AHCYL2: variants seen among roughly 807,000 people sequenced by gnomAD.
The protein encoded by AHCYL2 is adenosylhomocysteinase like 2.
AHCYL2 carries 28 observed loss-of-function variants against 81.4 expected under a neutral mutation model. The ratio of observed to expected loss-of-function variants is 0.34; its 90% CI spans 0.25 to 0.47. The LOEUF (loss-of-function observed/expected upper bound fraction) is 0.47, where lower values mean the gene tolerates loss of function less well. Ranked by LOEUF, AHCYL2 falls within the 20% of genes least tolerant of loss-of-function variation. The pLI is 1.00. For missense variants in AHCYL2, 551 were observed against 785.1 expected (o/e 0.70, Z 3.56); for synonymous variants, 272 against 290.2 (o/e 0.94, Z 0.64).
At chr7:129,323,203 A>T (rs1261206041) in intron 1 of AHCYL2, among the ~76,000 whole-genome samples, 4 of 152,120 alleles carry the variant, frequency 2.6e-5, no homozygotes, top group Non-Finnish European at 4.4e-5. Flanking sequence ...CTTCTTTTCT[A>T]ATAGAGGTAT....
At chr7:129,304,856 T>C (rs1215034250) in intron 1 of AHCYL2, among the ~76,000 whole-genome samples, 2 of 152,136 alleles carry the variant, frequency 1.3e-5, no homozygotes, top group East Asian at 1.9e-4. Flanking sequence ...TGTCTTTTGA[T>C]TGGGGAGTTT....
At chr7:129,281,156 C>A (rs1054447261) in intron 1 of AHCYL2, among the ~76,000 whole-genome samples, 8 of 152,178 alleles carry the variant, frequency 5.3e-5, no homozygotes, top group Non-Finnish European at 8.8e-5. Context: ...AGCCACCACA[C>A]CCGGCCCATT....
chr7:129,414,714 C>CA (rs531379705), intron 12 of AHCYL2, among the ~76,000 whole-genome samples: 235 of 152,284 alleles, frequency 1.5e-3, no homozygotes, highest in African/African-American at 5.5e-3. Context: ...CCACCACACC[C>CA]AGCCAAGTGT....
chr7:129,323,120 G>A (rs188806765), intron 1 of AHCYL2, among the ~76,000 whole-genome samples: 2 of 152,066 alleles, frequency 1.3e-5, no homozygotes, highest in Non-Finnish European at 2.9e-5. Context: ...AAAATCTTCT[G>A]TTTGCTTATG....
At chr7:129,233,831 G>A (rs1435243642) in intron 1 of AHCYL2, among the ~76,000 whole-genome samples, 1 of 151,974 alleles carries the variant, frequency 6.6e-6, no homozygotes, top group Non-Finnish European at 1.5e-5. Flanking sequence ...CCAGTCATAG[G>A]CTTTATGCCT....
intron 1 of AHCYL2, among the ~76,000 whole-genome samples, chr7:129,259,124 A>G (rs1795529391): frequency 6.6e-6 from 1 of 152,156 alleles, no homozygotes; most frequent in African/African-American, 2.4e-5. Flanking sequence ...TCCTTTAATA[A>G]CATTACCTTT....
At chr7:129,262,036 T>C (rs1183693403) in intron 1 of AHCYL2, among the ~76,000 whole-genome samples, 1 of 151,986 alleles carries the variant, frequency 6.6e-6, no homozygotes, top group Non-Finnish European at 1.5e-5. Flanking sequence ...ATAACATCAC[T>C]GAAAAAAGAC....
At chr7:129,361,531 A>G (rs957382754) in intron 1 of AHCYL2, among the ~76,000 whole-genome samples, 1 of 152,246 alleles carries the variant, frequency 6.6e-6, no homozygotes, top group Non-Finnish European at 1.5e-5. Flanking sequence ...GATTAAATGA[A>G]TGAATTCTTC....
At position 129,426,558 on chromosome 7, in the gene AHCYL2, C is replaced by T; in HGVS notation, c.1824C>T (p.Tyr608=). 6.2e-7 allele frequency: 1 copy of T among 1,613,448 alleles called. No individual in the cohort carries two copies. The highest frequency in any genetic ancestry group is 8.5e-7 in the Non-Finnish European group (1 of 1,179,728). Residue 608 remains tyrosine, a synonymous_variant, in exon 16 of 17, where the codon TAC becomes TAT. Transcript: ENST00000325006. This position sits in a 1 kb window ranked among gnomAD's most constrained non-coding sequence, Gnocchi z 4.3. ...LNKNGPFKPN[Y]YRY is the part of the protein sequence containing the mutation. The stretch of plus-strand genomic sequence containing the variant: ...AGAATGGGCCCTTCAAGCCTAATTA[C>T]TACAGGTGCCTTGGGCTCCCCAGAA...
chr7:129,374,061 A>C (rs1240001047), intron 1 of AHCYL2, among the ~76,000 whole-genome samples: 1 of 152,218 alleles, frequency 6.6e-6, no homozygotes, highest in Non-Finnish European at 1.5e-5. Context: ...CCCCAAGATT[A>C]TCCGGGATGA....
chr7:129,307,908 T>C (rs1269745893), intron 1 of AHCYL2, among the ~76,000 whole-genome samples: 2 of 151,896 alleles, frequency 1.3e-5, no homozygotes, highest in South Asian at 2.1e-4. Context: ...TGGGACCTTA[T>C]GATCCTGCCT....
At chr7:129,284,047 C>A (rs1309472393) in intron 1 of AHCYL2, among the ~76,000 whole-genome samples, 1 of 152,048 alleles carries the variant, frequency 6.6e-6, no homozygotes, top group Non-Finnish European at 1.5e-5. Flanking sequence ...AATGTGAGTA[C>A]TATTTTATTA....
At chr7:129,327,109 A>C (rs1285593985) in intron 1 of AHCYL2, among the ~76,000 whole-genome samples, 1 of 152,148 alleles carries the variant, frequency 6.6e-6, no homozygotes. Context: ...TCCCAAATTC[A>C]TATGTTGAAG....
chr7:129,400,149 A>C (rs914307016), intron 5 of AHCYL2, 141 bp from the exon 6 acceptor site: 4 of 672,012 alleles, frequency 6.0e-6, no homozygotes, highest in Middle Eastern at 3.3e-4. Flanking sequence ...AGGCAACGCC[A>C]ATCAGTGAAG....
chr7:129,292,709 A>G (rs951585287), intron 1 of AHCYL2, among the ~76,000 whole-genome samples: 6 of 152,040 alleles, frequency 3.9e-5, no homozygotes, highest in Admixed American at 3.9e-4. Flanking sequence ...AGAGGTTGCA[A>G]TAAGCCGAGA....
At chr7:129,425,034 C>G in intron 14 of AHCYL2, 29 bp from the exon 15 acceptor site, 1 of 1,611,270 alleles carries the variant, frequency 6.2e-7, no homozygotes, top group Admixed American at 1.7e-5. Flanking sequence ...ATGAATGGCA[C>G]ATCAGCATCC....
intron 1 of AHCYL2, among the ~76,000 whole-genome samples, chr7:129,297,065 CTG>C (rs1235701066): frequency 6.6e-6 from 1 of 152,176 alleles, no homozygotes; most frequent in Non-Finnish European, 1.5e-5. Flanking sequence ...CTTGTGAAGA[CTG>C]TGTGTACACA....
intron 1 of AHCYL2, among the ~76,000 whole-genome samples, chr7:129,255,685 T>C (rs2150708803): frequency 6.6e-6 from 1 of 152,250 alleles, no homozygotes; most frequent in South Asian, 2.1e-4. Context: ...TTGATGTGAA[T>C]AAAAATGAAA....
At chr7:129,340,211 C>T (rs1455304948) in intron 1 of AHCYL2, among the ~76,000 whole-genome samples, 7 of 149,166 alleles carry the variant, frequency 4.7e-5, no homozygotes, top group African/African-American at 1.7e-4. Flanking sequence ...CATGAGCCAC[C>T]GCGCCTGGCC....
Sources: allele counts gnomAD v4.1 joint callset (sites outside exome capture counted in the v4.1 genomes callset), GRCh38; gene constraint gnomAD v4.1.1; non-coding constraint Gnocchi (gnomAD v3.1); transcripts MANE v1.5; gene names NCBI Gene and HGNC (gene_info 2026-07-23, HGNC 2026-07-21).